The following CSNK1D variants were observed in gnomAD, a reference collection of about 807,000 sequenced individuals.
The protein encoded by CSNK1D is casein kinase I isoform delta.
In CSNK1D, 16 loss-of-function variants were observed where a neutral mutation model predicts 46.6. The observed-to-expected ratio is 0.34, with a 90% CI of 0.23 to 0.52. The LOEUF (loss-of-function observed/expected upper bound fraction) is 0.52. CSNK1D is among the 20% of genes least tolerant of loss of function. The probability of loss-of-function intolerance (pLI) is 0.95; values close to 1 mark genes in which losing one functional copy is unlikely to be tolerated. For synonymous variants in CSNK1D, 276 were observed against 228.2 expected, an observed-to-expected ratio of 1.21 and a Z score of -1.89; for missense variants, 398 against 578.4, an observed-to-expected ratio of 0.69 and a Z score of 3.20.
At position 82,248,413 on chromosome 17, in the gene CSNK1D, T is replaced by C. The variant is rs1275446966; in HGVS notation, c.1197+462A>G. 9.9e-7 allele frequency: 1 copy of C among 1,011,278 alleles called. No homozygotes were observed. The highest frequency in any genetic ancestry group is 1.2e-6 in the Non-Finnish European group (1 of 844,028). 62.6% of individuals were successfully genotyped at this position (1,011,278 alleles called of 1,614,324 possible). A position where few individuals can be genotyped will look rare whatever the true frequency, so the allele number is the denominator to read the frequency against. On this transcript the variant is annotated intron_variant, in intron 8 of 8. Coordinates refer to ENST00000314028, the MANE Select transcript of CSNK1D (RefSeq NM_001893.6). The surrounding 1 kb of genome is among the most constrained non-coding windows in gnomAD (Gnocchi z 4.1). ...AGAAGGAAAGCCTCGTTGCAGGGCA[T>C]GCCACCAGGGAGGGTCTCACAAGAA...
intron 3 of CSNK1D, chr17:82,253,495 G>A (rs1396636108): frequency 2.0e-6 from 1 of 500,660 alleles, no homozygotes; most frequent in East Asian, 4.0e-5. Flanking sequence ...GAGAGGTGAG[G>A]CGACAGAGAG....
chr17:82,244,963 C>T, intron 8 of CSNK1D, 132 bp from the exon 9 acceptor site: 1 of 1,157,860 alleles, frequency 8.6e-7, no homozygotes, highest in South Asian at 1.3e-5. Context: ...ACGCCTGCGT[C>T]CCCCGCCACG....
At position 82,249,684 on chromosome 17, in the gene CSNK1D, G is replaced by A. The variant is rs909001246; in HGVS notation, c.886-82C>T. The A allele has an allele frequency of 6.5e-6, 10 of 1,532,894 alleles. No individual in the cohort carries two copies. Among genetic ancestry groups the A allele is most frequent in the Non-Finnish European group, 8.7e-6 (10 of 1,145,476 alleles). 95.0% of individuals were successfully genotyped at this position (1,532,894 alleles called of 1,614,324 possible). On this transcript the variant is annotated intron_variant, in intron 6 of 8. Coordinates refer to ENST00000314028, the MANE Select transcript of CSNK1D (RefSeq NM_001893.6). The surrounding 1 kb of genome is among the most constrained non-coding windows in gnomAD (Gnocchi z 6.7). ...AGGTCCTAGGCTGCCCCGGCCACGT[G>A]AGAAAATACCTACCAAAGGGCACTG...
At chr17:82,247,037 A>G in intron 8 of CSNK1D, 2 of 985,440 alleles carry the variant, frequency 2.0e-6, no homozygotes, top group Non-Finnish European at 2.4e-6. Context: ...GATGGTGACA[A>G]AGGAGGGGGC....
At chr17:82,267,561 CAG>C (rs2147220870) in intron 1 of CSNK1D, among the ~76,000 whole-genome samples, 1 of 152,354 alleles carries the variant, frequency 6.6e-6, no homozygotes, top group Admixed American at 6.5e-5. Context: ...TTACTATCAA[CAG>C]AGACTCTTCA....
At chr17:82,253,458 C>T (rs1263150626) in intron 3 of CSNK1D, 7 of 570,068 alleles carry the variant, frequency 1.2e-5, no homozygotes, top group South Asian at 8.9e-5. Flanking sequence ...CAGGCCTAGG[C>T]GCTTTGCCTT....
rs1462512056 is a variant in CSNK1D, at chr17:82,250,489, A to C, written c.886-887T>G. 1 of 312,260 alleles carries C rather than the reference A, an allele frequency of 3.2e-6. No individual in the cohort carries two copies. Among genetic ancestry groups the C allele is most frequent in the African/African-American group, 2.2e-5 (1 of 45,362 alleles). The allele number at this position is 312,260 out of a possible 1,614,324, so 19.3% of individuals were successfully genotyped here. On this transcript the variant is annotated intron_variant, in intron 6 of 8. Coordinates refer to ENST00000314028, the MANE Select transcript of CSNK1D (RefSeq NM_001893.6). The surrounding 1 kb of genome is among the most constrained non-coding windows in gnomAD (Gnocchi z 4.6). ...CAGCACAGCCCCGGCAGAGGGACTGATCTGCCCTGCCGAGTGCACCCCTCC... is the reference window on the plus strand; with the variant it reads ...CAGCACAGCCCCGGCAGAGGGACTGCTCTGCCCTGCCGAGTGCACCCCTCC...
chr17:82,239,405 CTT>C (rs771710625), downstream of CSNK1D: 5 of 176,572 alleles, frequency 2.8e-5, no homozygotes, highest in African/African-American at 4.7e-5. Context: ...GCCCACCCCT[CTT>C]GAGTGTCTTG....
intron 2 of CSNK1D, among the ~76,000 whole-genome samples, chr17:82,262,549 G>A (rs185653377): frequency 2.6e-4 from 40 of 152,332 alleles, no homozygotes; most frequent in East Asian, 1.9e-4. Flanking sequence ...TGACTTTCAC[G>A]TGAAAGGAAG....
chr17:82,241,471 T>C (rs1223091910), downstream of CSNK1D, among the ~76,000 whole-genome samples: 1 of 152,214 alleles, frequency 6.6e-6, no homozygotes, highest in Non-Finnish European at 1.5e-5. Flanking sequence ...TGTCCGCTCA[T>C]GCCCCCGCAG....
chr17:82,246,369 G>A lies in CSNK1D; in HGVS notation c.1198-1538C>T, dbSNP rs538322975. 9.4e-6 allele frequency: 12 copies of A among 1,275,316 alleles called. No individual in the cohort carries two copies. In the Admixed American group the frequency reaches 3.7e-4, roughly 39 times the overall value. The allele number at this position is 1,275,316 out of a possible 1,614,324, so 79.0% of individuals were successfully genotyped here. On this transcript the variant is annotated intron_variant, in intron 8 of 8. Transcript: ENST00000314028. ...GGCAGCCCCACAACTGGGTCTCAGG[G>A]CACAGCCTGAAGGCAGGGGAGACGC...
At position 82,253,112 on chromosome 17, in the gene CSNK1D, G is replaced by C; in HGVS notation, c.469C>G (p.Arg157Gly). Residue 157 changes from arginine to glycine, a missense_variant, in exon 4 of 9, where the codon CGG (arginine) becomes GGG (glycine). Physicochemically the swap from Arg to Gly is moderately radical, Grantham distance 125. Transcript: ENST00000314028. Reference sequence around the variant, plus strand: ...ATGTGCTGGTGGGTGCGTGCATCCCGGTACTTCTTGGCCAGCCCGAAGTCG... The same window carrying C: ...ATGTGCTGGTGGGTGCGTGCATCCCCGTACTTCTTGGCCAGCCCGAAGTCG... ...IIDFGLAKKY[R>G]DARTHQHIPY... 6.2e-7 allele frequency: 1 copy of C among 1,614,196 alleles called. No homozygotes were observed. Among genetic ancestry groups the C allele is most frequent in the Non-Finnish European group, 8.5e-7 (1 of 1,180,022 alleles).
At chr17:82,240,463 G>C (rs1355176761), downstream of CSNK1D, among the ~76,000 whole-genome samples, 2 of 152,218 alleles carry the variant, frequency 1.3e-5, no homozygotes, top group Non-Finnish European at 2.9e-5. Flanking sequence ...GGACCTGGCT[G>C]TCCCTGGTTC....
chr17:82,248,162 CCT>C lies in CSNK1D; in HGVS notation c.1197+711_1197+712del, dbSNP rs2050898647. ...ACAGCCCTGCCCCACTAACCCTGCCCCTGTTGGCGAACAACCCAGAAAACTAT... is the reference window on the plus strand; with the variant it reads ...ACAGCCCTGCCCCACTAACCCTGCCCGTTGGCGAACAACCCAGAAAACTAT... On this transcript the variant is annotated intron_variant, in intron 8 of 8. Coordinates refer to ENST00000314028, the MANE Select transcript of CSNK1D (RefSeq NM_001893.6). This position sits in a 1 kb window ranked among gnomAD's most constrained non-coding sequence, Gnocchi z 4.1. The C allele has an allele frequency of 4.1e-6, 4 of 985,530 alleles. No individual in the cohort carries two copies. Among genetic ancestry groups the C allele is most frequent in the South Asian group, 4.7e-5 (1 of 21,298 alleles). 61.0% of individuals were successfully genotyped at this position (985,530 alleles called of 1,614,324 possible).
chr17:82,248,884 G>A lies in CSNK1D; in HGVS notation c.1188C>T (p.Ser396=), dbSNP rs1414721198. ...LTGRQDTSRM[S]TSQIPGRVAS... is the part of the protein sequence containing the mutation. ...GGAGCTCTGCACCTACCTGTGAGGT[G>A]GACATGCGAGAGGTATCTTGTCGGC... is the stretch of plus-strand genomic sequence containing the variant. Residue 396 remains serine, a synonymous_variant, in exon 8 of 9, where the codon TCC becomes TCT. Transcript: ENST00000314028. The surrounding 1 kb of genome is among the most constrained non-coding windows in gnomAD (Gnocchi z 4.1). The A allele has an allele frequency of 1.2e-6, 2 of 1,610,554 alleles. No individual in the cohort carries two copies. Among genetic ancestry groups the A allele is most frequent in the South Asian group, 2.2e-5 (2 of 90,322 alleles).
chr17:82,255,569 G>T lies in CSNK1D; in HGVS notation c.196C>A (p.Pro66Thr). The change falls in exon 3 of 9, where the codon CCC becomes ACC. Residue 66 changes from proline to threonine, a missense_variant. Pro to Thr is a conservative substitution (Grantham distance 38, BLOSUM62 -1). Coordinates refer to ENST00000314028, the MANE Select transcript of CSNK1D (RefSeq NM_001893.6). The surrounding 1 kb of genome is among the most constrained non-coding windows in gnomAD (Gnocchi z 5.9). ...TCTGCCCCGCACCATCTGATGGTGG[G>T]GATGCCCACTAGGCAAGGAAATCAG... ...YKMMQGGVGI[P>T]TIRWCGAEGD... 6.2e-7 allele frequency: 1 copy of T among 1,614,192 alleles called. No homozygotes were observed.
In CSNK1D at chr17:82,251,526, G is replaced by A. The variant is rs181243841; in HGVS notation, c.738C>T (p.Ser246=). Residue 246 remains serine (S), a splice_region_variant and synonymous_variant, in exon 6 of 9, where the codon TCC becomes TCT. Coordinates refer to ENST00000314028, the MANE Select transcript of CSNK1D (RefSeq NM_001893.6). This position sits in a 1 kb window ranked among gnomAD's most constrained non-coding sequence, Gnocchi z 4.5. ...PIEVLCKGYP[S]EFATYLNFCR... ...AGAAATTCAGGTATGTGGCAAATTC[G>A]GCTACAAAACAAGAAACTCAAAGCT... 29 of 1,613,886 alleles carry A rather than the reference G, an allele frequency of 1.8e-5. No homozygotes were observed. Among genetic ancestry groups the A allele is most frequent in the South Asian group, 3.3e-5 (3 of 91,064 alleles).
intron 1 of CSNK1D, among the ~76,000 whole-genome samples, chr17:82,267,729 C>T (rs774482377): frequency 4.6e-5 from 7 of 152,230 alleles, no homozygotes; most frequent in Non-Finnish European, 8.8e-5. Context: ...ACTCGCCAGC[C>T]GGGAGGGAGG....
intron 8 of CSNK1D, 115 bp from the exon 9 acceptor site, chr17:82,244,946 A>T: frequency 7.3e-7 from 1 of 1,373,282 alleles, no homozygotes; most frequent in Admixed American, 1.8e-5. Flanking sequence ...GCCTAGCCCC[A>T]GTCTAGACGC....
Sources: allele counts gnomAD v4.1 joint callset (sites outside exome capture counted in the v4.1 genomes callset), GRCh38; gene constraint gnomAD v4.1.1; non-coding constraint Gnocchi (gnomAD v3.1); transcripts MANE v1.5; gene names NCBI Gene and HGNC (gene_info 2026-07-23, HGNC 2026-07-21).